The following CORIN variants were observed in gnomAD, a reference collection of about 807,000 sequenced individuals.
CORIN encodes the protein corin, serine peptidase, also known as atrial natriuretic peptide-converting enzyme.
Under a neutral mutation model 125.3 loss-of-function variants are expected in CORIN, and 117 were observed. The ratio of observed to expected loss-of-function variants is 0.93; its 90% CI spans 0.80 to 1.09. The LOEUF is 1.09. CORIN is among the 50% of genes least tolerant of loss of function. The pLI, the probability that CORIN is intolerant of heterozygous loss-of-function variation, is 0.00. For missense variants in CORIN, 1,253 were observed against 1,306.7 expected, an observed-to-expected ratio of 0.96 and a Z score of 0.63; for synonymous variants, 450 against 466.4, an observed-to-expected ratio of 0.96 and a Z score of 0.45.
chr4:47,641,920 C>T lies in CORIN; in HGVS notation c.2198G>A (p.Gly733Glu), dbSNP rs1183115819. The change falls in exon 16 of 22, where the codon GGA (glycine) becomes GAA (glutamate). Residue 733 changes from glycine (G) to glutamate (E), a missense_variant and splice_region_variant. Transcript: ENST00000273857. ...SQLACKQMGL[G>E]EPSVTKLIQE... ...CAGTGCTACAAACTACTGACCTTAC[C>T]CTAAACCCATCTGCTTGCAGGCCAG... 6.2e-7 allele frequency: 1 copy of T among 1,612,926 alleles called. No individual in the cohort carries two copies. Among genetic ancestry groups the T allele is most frequent in the Non-Finnish European group, 8.5e-7 (1 of 1,179,274 alleles).
rs183385660 is a variant in CORIN, at chr4:47,734,126, G to T, written c.799+10276C>A. Reference sequence around the variant, plus strand: ...ACTGGATTTAAAATAAGCTGGGAATGACCTCCTGAACCTCAGTTTCTTAAT... The same window carrying T: ...ACTGGATTTAAAATAAGCTGGGAATTACCTCCTGAACCTCAGTTTCTTAAT... On this transcript the variant is annotated intron_variant, in intron 5 of 21. Transcript: ENST00000273857. Among the ~76,000 whole-genome samples, 15 of 152,232 alleles carry T rather than the reference G, an allele frequency of 9.9e-5. No homozygotes were observed. In the East Asian group the frequency reaches 2.3e-3, roughly 24 times the overall value.
At chr4:47,797,264 A>G (rs1442972870) in intron 2 of CORIN, among the ~76,000 whole-genome samples, 1 of 149,210 alleles carries the variant, frequency 6.7e-6, no homozygotes, top group Non-Finnish European at 1.5e-5. Context: ...ATAATATAGT[A>G]AATAATTATA....
intron 5 of CORIN, among the ~76,000 whole-genome samples, chr4:47,733,008 G>GC (rs778102490): frequency 6.6e-6 from 1 of 152,026 alleles, no homozygotes; most frequent in Non-Finnish European, 1.5e-5. Flanking sequence ...CTCTCCACTG[G>GC]CCTATGAACT....
intron 4 of CORIN, among the ~76,000 whole-genome samples, chr4:47,753,008 G>A (rs1260734005): frequency 6.6e-6 from 1 of 152,088 alleles, no homozygotes; most frequent in Non-Finnish European, 1.5e-5. Flanking sequence ...ATAATTATCG[G>A]GGGAACCAGC....
intron 5 of CORIN, among the ~76,000 whole-genome samples, chr4:47,742,464 G>C (rs1304097232): frequency 1.3e-5 from 2 of 151,688 alleles, no homozygotes; most frequent in East Asian, 1.9e-4. Context: ...AGAAAATAAA[G>C]GAAATGTTTT....
chr4:47,730,444 G>A (rs902096518), intron 5 of CORIN, among the ~76,000 whole-genome samples: 3 of 139,994 alleles, frequency 2.1e-5, no homozygotes, highest in Non-Finnish European at 3.0e-5. Flanking sequence ...CTGCACTCCA[G>A]CCTGGGCGAC....
At chr4:47,830,633 C>G (rs956867315) in intron 1 of CORIN, among the ~76,000 whole-genome samples, 1 of 152,138 alleles carries the variant, frequency 6.6e-6, no homozygotes. Flanking sequence ...TTTTGTCCAG[C>G]CTGTATAGTT....
chr4:47,761,392 G>A (rs1197389633), intron 4 of CORIN, among the ~76,000 whole-genome samples: 2 of 151,990 alleles, frequency 1.3e-5, no homozygotes, highest in African/African-American at 2.4e-5. Context: ...GAAGGCCCCA[G>A]GCGAGGGAGA....
intron 11 of CORIN, among the ~76,000 whole-genome samples, chr4:47,662,537 CAGA>C (rs1253224245): frequency 6.6e-6 from 1 of 151,984 alleles, no homozygotes; most frequent in Non-Finnish European, 1.5e-5. Context: ...GCGTGCCTCA[CAGA>C]AGATTTCTTT....
intron 3 of CORIN, among the ~76,000 whole-genome samples, chr4:47,775,895 T>G (rs549805488): frequency 6.6e-6 from 1 of 152,314 alleles, no homozygotes; most frequent in South Asian, 2.1e-4. Flanking sequence ...TGTCTTTTGT[T>G]TTTTGGGGTT....
At chr4:47,624,289 C>T (rs1045360662) in intron 17 of CORIN, among the ~76,000 whole-genome samples, 1 of 152,080 alleles carries the variant, frequency 6.6e-6, no homozygotes, top group Non-Finnish European at 1.5e-5. Flanking sequence ...GGTGGAACCA[C>T]CACAATGCAA....
chr4:47,649,387 T>C (rs868071795), intron 13 of CORIN, among the ~76,000 whole-genome samples: 1 of 152,324 alleles, frequency 6.6e-6, no homozygotes, highest in Middle Eastern at 3.4e-3. Context: ...CCACTCTCTT[T>C]TGCCATAAAC....
intron 4 of CORIN, among the ~76,000 whole-genome samples, chr4:47,758,214 G>GA (rs903778903): frequency 5.3e-4 from 81 of 151,762 alleles, no homozygotes; most frequent in African/African-American, 1.9e-3. Flanking sequence ...CGCCCAGCCT[G>GA]AAAAATATAT....
intron 4 of CORIN, among the ~76,000 whole-genome samples, chr4:47,754,428 T>C (rs1460180245): frequency 1.3e-5 from 2 of 152,296 alleles, no homozygotes; most frequent in East Asian, 3.9e-4. Flanking sequence ...AATATTTCTT[T>C]GGTAACAGCA....
chr4:47,613,491 T>C (rs1721947646), intron 19 of CORIN, among the ~76,000 whole-genome samples: 1 of 151,912 alleles, frequency 6.6e-6, no homozygotes, highest in African/African-American at 2.4e-5. Flanking sequence ...AAGTCTATCA[T>C]AAAAGAAAGG....
Position 47,763,568 on chromosome 4 carries a change from G to A in CORIN, c.428C>T (p.Thr143Ile), listed in dbSNP as rs144005444. The A allele has an allele frequency of 3.1e-6, 5 of 1,613,934 alleles. No individual in the cohort carries two copies. The Admixed American group carries it at 8.3e-5, about 27-fold the overall frequency. ...GGGCAGCATCTGACACTGGCTGTGG[G>A]TGATGTTCATACAGGCACCTGGGAA... Reference protein sequence around the residue: ...HRNTSACMNITHSQCQMLPYH... With the variant: ...HRNTSACMNIIHSQCQMLPYH... The change falls in exon 4 of 22, where the codon ACC becomes ATC. Residue 143 changes from threonine to isoleucine, a missense_variant. Thr to Ile is a moderately conservative substitution (Grantham distance 89). Coordinates refer to ENST00000273857, the MANE Select transcript of CORIN (RefSeq NM_006587.4).
intron 19 of CORIN, among the ~76,000 whole-genome samples, chr4:47,607,557 AC>A (rs1454825296): frequency 1.3e-5 from 2 of 151,974 alleles, no homozygotes; most frequent in African/African-American, 4.8e-5. Context: ...CCTCCTGTCA[AC>A]CCGGGTATGG....
At chr4:47,626,548 T>C (rs1422369404) in intron 16 of CORIN, 27 bp from the exon 17 acceptor site, 1 of 1,332,744 alleles carries the variant, frequency 7.5e-7, no homozygotes, top group Non-Finnish European at 1.1e-6. Context: ...ACTGGATAAG[T>C]ATTCAAAGTA....
At chr4:47,743,043 A>G (rs985527877) in intron 5 of CORIN, among the ~76,000 whole-genome samples, 2 of 152,166 alleles carry the variant, frequency 1.3e-5, no homozygotes, top group African/African-American at 2.4e-5. Context: ...ATAGAAAAAA[A>G]TTAATTCCTA....
Sources: allele counts gnomAD v4.1 joint callset (sites outside exome capture counted in the v4.1 genomes callset), GRCh38; gene constraint gnomAD v4.1.1; transcripts MANE v1.5; gene names NCBI Gene and HGNC (gene_info 2026-07-23, HGNC 2026-07-21).